Variants in KCTD8 observed in about 807,000 individuals in gnomAD.
The protein encoded by KCTD8 is BTB/POZ domain-containing protein KCTD8.
A neutral mutation model predicts 31.5 loss-of-function variants in KCTD8; 27 were observed. That is an observed-to-expected ratio of 0.86 (90% CI 0.63 to 1.18). KCTD8 has a LOEUF of 1.18. Ranked by LOEUF, KCTD8 falls within the 50% of genes most tolerant of loss-of-function variation. KCTD8 has a pLI of 0.00. For missense variants in KCTD8, 658 were observed against 647.7 expected (o/e 1.02, Z -0.17); for synonymous variants, 290 against 280.0 (o/e 1.04, Z -0.36).
chr4:44,391,997 A>C (rs1453488670), intron 1 of KCTD8, among the ~76,000 whole-genome samples: 2 of 152,006 alleles, frequency 1.3e-5, no homozygotes, highest in East Asian at 3.9e-4. Flanking sequence ...ACTTCAGTAC[A>C]AGCCTAAAAG....
At chr4:44,229,876 G>A (rs1304708011) in intron 1 of KCTD8, among the ~76,000 whole-genome samples, 1 of 151,356 alleles carries the variant, frequency 6.6e-6, no homozygotes, top group Non-Finnish European at 1.5e-5. Context: ...TGTGCAGAAC[G>A]TGCAGGTTTG....
chr4:44,423,732 C>T (rs1457661850), intron 1 of KCTD8, among the ~76,000 whole-genome samples: 1 of 151,852 alleles, frequency 6.6e-6, no homozygotes, highest in Non-Finnish European at 1.5e-5. Context: ...TTTTTGAATT[C>T]CACTGAGTTA....
intron 1 of KCTD8, among the ~76,000 whole-genome samples, chr4:44,433,566 G>A (rs914939282): frequency 1.3e-5 from 2 of 151,506 alleles, no homozygotes; most frequent in African/African-American, 2.4e-5. Flanking sequence ...ATTCTCCAGT[G>A]AGCCATACCC....
chr4:44,378,841 G>A (rs1433121221), intron 1 of KCTD8, among the ~76,000 whole-genome samples: 1 of 152,082 alleles, frequency 6.6e-6, no homozygotes, highest in East Asian at 1.9e-4. Context: ...AGTTCTGGAG[G>A]TCAGAAGTCC....
intron 1 of KCTD8, among the ~76,000 whole-genome samples, chr4:44,405,571 C>T (rs1720773827): frequency 6.6e-6 from 1 of 151,914 alleles, no homozygotes; most frequent in African/African-American, 2.4e-5. Context: ...CCCGGCCCAG[C>T]CAGGTCTTTA....
intron 1 of KCTD8, among the ~76,000 whole-genome samples, chr4:44,335,498 A>G (rs1718715851): frequency 6.6e-6 from 1 of 152,110 alleles, no homozygotes; most frequent in Admixed American, 6.5e-5. Context: ...TTCCTACAGG[A>G]GTTGTTGGGG....
At position 44,231,430 on chromosome 4, in the gene KCTD8, C is replaced by A. The variant is rs149330801; in HGVS notation, c.962-56180G>T. 3.9e-3 allele frequency among the ~76,000 whole-genome samples: 593 copies of A among 152,246 alleles called. 3 individuals carry two copies. Among genetic ancestry groups the A allele is most frequent in the Admixed American group, 9.0e-3 (138 of 15,292 alleles). ...CTATAATAAAACTTGTATAGAATTA[C>A]CTATGACATTTAACAATACTGACTT... On this transcript the variant is annotated intron_variant, in intron 1 of 1. Coordinates refer to ENST00000360029, the MANE Select transcript of KCTD8 (RefSeq NM_198353.3).
intron 1 of KCTD8, among the ~76,000 whole-genome samples, chr4:44,434,098 T>C (rs897137284): frequency 6.6e-6 from 1 of 151,976 alleles, no homozygotes; most frequent in Admixed American, 6.6e-5. Flanking sequence ...AATCAAACTA[T>C]TCCCCGAACA....
chr4:44,404,778 C>T (rs2109459085), intron 1 of KCTD8, among the ~76,000 whole-genome samples: 1 of 152,284 alleles, frequency 6.6e-6, no homozygotes, highest in African/African-American at 2.4e-5. Flanking sequence ...CATCATTTTA[C>T]ATTTAATCTT....
intron 1 of KCTD8, among the ~76,000 whole-genome samples, chr4:44,435,760 T>C (rs750768426): frequency 6.6e-6 from 1 of 152,082 alleles, no homozygotes. Context: ...GTGCAGGATA[T>C]GGCAGATGTG....
intron 1 of KCTD8, among the ~76,000 whole-genome samples, chr4:44,277,586 A>G (rs1006764710): frequency 1.3e-5 from 2 of 151,850 alleles, no homozygotes; most frequent in Non-Finnish European, 2.9e-5. Flanking sequence ...TCAAAGAACA[A>G]TTATATCAGG....
chr4:44,409,324 A>G (rs1427401317), intron 1 of KCTD8, among the ~76,000 whole-genome samples: 1 of 152,042 alleles, frequency 6.6e-6, no homozygotes, highest in Non-Finnish European at 1.5e-5. Flanking sequence ...TTTTTTATAT[A>G]TCCAGAGAAA....
At chr4:44,208,469 C>G (rs189218591) in intron 1 of KCTD8, among the ~76,000 whole-genome samples, 1 of 152,242 alleles carries the variant, frequency 6.6e-6, no homozygotes, top group Admixed American at 6.5e-5. Context: ...ACTTCCGTAA[C>G]ACGAAGCATT....
intron 1 of KCTD8, among the ~76,000 whole-genome samples, chr4:44,175,590 T>C (rs1340567135): frequency 6.6e-6 from 1 of 152,208 alleles, no homozygotes; most frequent in Non-Finnish European, 1.5e-5. Context: ...AAAAAAAATG[T>C]AATGTTTTGT....
Position 44,175,233 on chromosome 4 carries a change from C to G in KCTD8, c.979G>C (p.Val327Leu). 3 of 1,554,020 alleles carry G rather than the reference C, an allele frequency of 1.9e-6. No homozygotes were observed. The highest frequency in any genetic ancestry group is 2.6e-6 in the Non-Finnish European group (3 of 1,150,596). The stretch of plus-strand genomic sequence containing the variant: ...TCTTCATGTTCTTGTTTAGGTGATA[C>G]TATTTTCTGAGGTGGTCCTAAAAAG... ...YIFFRPPQKI[V>L]SPKQEHEDRK... The change falls in exon 2 of 2, where the codon GTA becomes CTA. Residue 327 changes from valine (V) to leucine (L), a missense_variant. Transcript: ENST00000360029.
intron 1 of KCTD8, among the ~76,000 whole-genome samples, chr4:44,323,090 A>C (rs1560426149): frequency 6.6e-6 from 1 of 152,068 alleles, no homozygotes; most frequent in South Asian, 2.1e-4. Context: ...GTTGCATACA[A>C]ATTTTAAGAT....
chr4:44,395,663 G>T (rs1318046877), intron 1 of KCTD8, among the ~76,000 whole-genome samples: 1 of 152,096 alleles, frequency 6.6e-6, no homozygotes, highest in Non-Finnish European at 1.5e-5. Context: ...TATGCCCACA[G>T]TCCCCTTTCT....
chr4:44,389,362 C>T (rs1720310277), intron 1 of KCTD8, among the ~76,000 whole-genome samples: 1 of 151,664 alleles, frequency 6.6e-6, no homozygotes, highest in Admixed American at 6.6e-5. Context: ...TTACACATTG[C>T]ACACGTGTAT....
chr4:44,370,330 T>G (rs1719748994), intron 1 of KCTD8, among the ~76,000 whole-genome samples: 1 of 152,196 alleles, frequency 6.6e-6, no homozygotes, highest in Non-Finnish European at 1.5e-5. Flanking sequence ...AGATAAAATA[T>G]TTCAAACTTC....
Sources: gnomAD v4.1 joint callset for allele counts (sites outside exome capture counted in the v4.1 genomes callset) on GRCh38, gnomAD v4.1.1 for gene constraint, MANE v1.5 for transcripts, NCBI Gene and HGNC (gene_info 2026-07-23, HGNC 2026-07-21) for gene names.